PIBF1: variants seen among roughly 807,000 people sequenced by gnomAD.
PIBF1 encodes progesterone-induced-blocking factor 1.
A neutral mutation model predicts 112.5 loss-of-function variants in PIBF1; 90 were observed. The ratio of observed to expected loss-of-function variants is 0.80; its 90% CI spans 0.67 to 0.95. The LOEUF is 0.95. Ranked by LOEUF, PIBF1 falls within the 40% of genes least tolerant of loss-of-function variation. The pLI is 0.00. For missense variants in PIBF1, 915 were observed against 852.3 expected, an observed-to-expected ratio of 1.07 and a Z score of -0.92; for synonymous variants, 301 against 288.6, an observed-to-expected ratio of 1.04 and a Z score of -0.44.
chr13:72,950,123 G>C (rs1215982690), intron 14 of PIBF1, among the ~76,000 whole-genome samples: 2 of 152,072 alleles, frequency 1.3e-5, no homozygotes, highest in East Asian at 3.9e-4. Context: ...TCCCTTTTCT[G>C]CCCCTTTGAG....
chr13:72,973,870 C>G (rs2042959522), intron 16 of PIBF1, 195 bp downstream of exon 16: 1 of 504,272 alleles, frequency 2.0e-6, no homozygotes, highest in African/African-American at 2.0e-5. Flanking sequence ...AGAATAACCC[C>G]TTCTTGTTGT....
In PIBF1 at chr13:72,927,422, C is replaced by T. The variant is rs190859580; in HGVS notation, c.1731-3743C>T. ...AGGAGGCTGAGACAGGAGAATGGCG[C>T]GAACCCGGGAGGCGGAACTTGCAGT... On this transcript the variant is annotated intron_variant, in intron 13 of 17. Coordinates refer to ENST00000326291, the MANE Select transcript of PIBF1 (RefSeq NM_006346.4). Among the ~76,000 whole-genome samples, 32 of 152,096 alleles carry T rather than the reference C, an allele frequency of 2.1e-4. No homozygotes were observed. The East Asian group carries it at 2.1e-3, about 10-fold the overall frequency.
intron 5 of PIBF1, among the ~76,000 whole-genome samples, chr13:72,808,643 T>TGTTGTTTAGAGG (rs1237241528): frequency 2.0e-5 from 3 of 152,162 alleles, no homozygotes; most frequent in Admixed American, 2.0e-4. Context: ...CCTACACATA[T>TGTTGTTTAGAGG]GTTGTTTAGA....
chr13:72,976,571 A>C (rs1020071342), intron 16 of PIBF1, among the ~76,000 whole-genome samples: 3 of 152,250 alleles, frequency 2.0e-5, no homozygotes, highest in African/African-American at 2.4e-5. Context: ...AAGAAAAGCA[A>C]CTTTTTTTGT....
chr13:72,783,473 T>C lies in PIBF1; in HGVS notation c.4T>C (p.Ser2Pro), dbSNP rs760203157. The change falls in exon 2 of 18, where the codon TCT becomes CCT. Residue 2 changes from serine (S) to proline (P), a missense_variant. Transcript: ENST00000326291. ...AAACTGATCCATAATAATAAAAATG[T>C]CTCGAAAAATTTCAAAGGAGTCAAA... M[S>P]RKISKESKKV... 1.3e-6 allele frequency: 2 copies of C among 1,583,532 alleles called. No individual in the cohort carries two copies. The highest frequency in any genetic ancestry group is 2.2e-5 in the East Asian group (1 of 44,676).
intron 11 of PIBF1, among the ~76,000 whole-genome samples, chr13:72,907,486 C>G (rs1380033728): frequency 6.6e-6 from 1 of 152,028 alleles, no homozygotes; most frequent in African/African-American, 2.4e-5. Context: ...ATATTTCTTA[C>G]AGTAGCAATA....
At chr13:72,843,516 A>G (rs886441701) in intron 9 of PIBF1, among the ~76,000 whole-genome samples, 1 of 152,166 alleles carries the variant, frequency 6.6e-6, no homozygotes, top group Non-Finnish European at 1.5e-5. Flanking sequence ...GGTTTAAGTG[A>G]TTATCCTGCC....
Position 72,917,812 on chromosome 13 carries a change from A to G in PIBF1, c.1730+646A>G, listed in dbSNP as rs543961276. 2.8e-4 allele frequency among the ~76,000 whole-genome samples: 43 copies of G among 152,336 alleles called. 2 individuals are homozygous for G. The South Asian group carries it at 8.7e-3, about 31-fold the overall frequency. On this transcript the variant is annotated intron_variant, in intron 13 of 17. Transcript: ENST00000326291. Reference sequence around the variant, plus strand: ...ATTATTCCTTAATACAGTTATTCACATAGCATTTACATTTTGTTAGGTATT... The same window carrying G: ...ATTATTCCTTAATACAGTTATTCACGTAGCATTTACATTTTGTTAGGTATT...
At chr13:72,963,010 G>C (rs1304589336) in intron 14 of PIBF1, among the ~76,000 whole-genome samples, 1 of 152,138 alleles carries the variant, frequency 6.6e-6, no homozygotes, top group African/African-American at 2.4e-5. Context: ...TTTTCAACAA[G>C]AGTGCTAGGA....
intron 3 of PIBF1, among the ~76,000 whole-genome samples, chr13:72,793,697 A>G (rs778829623): frequency 1.3e-5 from 2 of 152,210 alleles, no homozygotes; most frequent in Admixed American, 6.5e-5. Context: ...TGGATTCTGA[A>G]TATTTTTTGG....
intron 1 of PIBF1, 124 bp from the exon 2 acceptor site, chr13:72,783,299 A>G (rs1356669132): frequency 1.9e-5 from 10 of 536,984 alleles, no homozygotes; most frequent in Admixed American, 1.6e-4. Context: ...AATCTGTTCT[A>G]GATTTGGGAT....
intron 14 of PIBF1, among the ~76,000 whole-genome samples, chr13:72,944,620 T>C (rs2042100358): frequency 1.3e-5 from 2 of 152,210 alleles, no homozygotes; most frequent in Admixed American, 1.3e-4. Context: ...AGCTGCATTT[T>C]TGTTTTATTT....
intron 8 of PIBF1, among the ~76,000 whole-genome samples, chr13:72,828,943 G>C (rs137869288): frequency 2.0e-4 from 30 of 152,190 alleles, no homozygotes; most frequent in African/African-American, 7.0e-4. Flanking sequence ...TCTCCAGCTT[G>C]TTGTTTCCTG....
At chr13:72,996,895 A>G (rs1367206579) in intron 16 of PIBF1, among the ~76,000 whole-genome samples, 3 of 152,224 alleles carry the variant, frequency 2.0e-5, no homozygotes, top group East Asian at 3.8e-4. Context: ...TACCCACTGT[A>G]GCTGTATTAT....
At chr13:72,947,247 T>TGAGGTGTACATTGGCCC (rs2042173729) in intron 14 of PIBF1, among the ~76,000 whole-genome samples, 1 of 152,196 alleles carries the variant, frequency 6.6e-6, no homozygotes, top group Non-Finnish European at 1.5e-5. Flanking sequence ...AGCAATGGCC[T>TGAGGTGTACATTGGCCC]GAGCTGTACA....
At chr13:72,990,520 C>CAAATAAATTAATTAATTAATT (rs1204552369) in intron 16 of PIBF1, among the ~76,000 whole-genome samples, 1 of 135,880 alleles carries the variant, frequency 7.4e-6, no homozygotes. Flanking sequence ...GACTCCATCT[C>CAAATAAATTAATTAATTAATT]TCCATCTCAA....
intron 14 of PIBF1, among the ~76,000 whole-genome samples, chr13:72,940,964 T>C (rs1374750252): frequency 2.0e-5 from 3 of 152,162 alleles, no homozygotes; most frequent in Admixed American, 6.6e-5. Flanking sequence ...TTCTGTCTCT[T>C]TGCAGCTCCC....
chr13:72,927,028 C>G (rs1362818837), intron 13 of PIBF1, among the ~76,000 whole-genome samples: 1 of 151,010 alleles, frequency 6.6e-6, no homozygotes. Context: ...TTTCTGCAGT[C>G]ATTGATATTC....
At chr13:72,961,712 A>G (rs918063251) in intron 14 of PIBF1, among the ~76,000 whole-genome samples, 2 of 152,192 alleles carry the variant, frequency 1.3e-5, no homozygotes, top group South Asian at 2.1e-4. Context: ...TTATCCAACT[A>G]TAGAGTACCT....
Sources: allele counts gnomAD v4.1 joint callset (sites outside exome capture counted in the v4.1 genomes callset), GRCh38; gene constraint gnomAD v4.1.1; transcripts MANE v1.5; gene names NCBI Gene and HGNC (gene_info 2026-07-23, HGNC 2026-07-21).